CHST9: variants seen among roughly 807,000 people sequenced by gnomAD.
CHST9 encodes GalNAc-4-sulfotransferase 2.
Under a neutral mutation model 44.4 loss-of-function variants are expected in CHST9, and 41 were observed. The observed-to-expected ratio is 0.92, with a 90% CI of 0.72 to 1.20. The LOEUF is 1.20. Among genes scored for constraint, CHST9 ranks in the 50% most tolerant of loss-of-function variants. The probability of loss-of-function intolerance (pLI) is 0.00; values close to 1 mark genes in which losing one functional copy is unlikely to be tolerated. For missense variants in CHST9, 504 were observed against 516.5 expected (o/e 0.98, Z 0.23); for synonymous variants, 171 against 178.4 (o/e 0.96, Z 0.33).
intron 1 of CHST9, among the ~76,000 whole-genome samples, chr18:27,152,765 T>A (rs915517943): frequency 6.6e-6 from 1 of 152,080 alleles, no homozygotes; most frequent in Non-Finnish European, 1.5e-5. Context: ...GGGAGCCTTT[T>A]AAAAAATTTT....
chr18:26,911,865 GT>G lies in CHST9; in HGVS notation c.*4393del, dbSNP rs5823534. 0.84 allele frequency: 127,793 copies of G among 152,054 alleles called. 53,836 individuals are homozygous for G. The highest frequency in any genetic ancestry group is 0.89 in the African/African-American group (36,708 of 41,446). The allele number at this position is 152,054 out of a possible 1,614,324, so 9.4% of individuals were successfully genotyped here. ...ATTTATTTTCACCTGGTTTCATGGT[GT>G]TTTTTCAGTCGGTTTAAGTCAGCTT... On this transcript the variant is annotated 3_prime_UTR_variant, in exon 6 of 6. Coordinates refer to ENST00000618847, the MANE Select transcript of CHST9 (RefSeq NM_031422.6).
intron 4 of CHST9, among the ~76,000 whole-genome samples, chr18:26,991,752 A>C (rs1201124138): frequency 7.7e-6 from 1 of 129,468 alleles, no homozygotes; most frequent in Non-Finnish European, 1.8e-5. Context: ...CAACTGTGTC[A>C]AATGTTTCTG....
chr18:27,180,195 G>A (rs1024576747), intron 1 of CHST9, among the ~76,000 whole-genome samples: 2 of 152,106 alleles, frequency 1.3e-5, no homozygotes, highest in South Asian at 4.1e-4. Context: ...CTTCTTGCAC[G>A]GGATGTCTTC....
chr18:27,100,635 A>G (rs1247984441), intron 2 of CHST9, among the ~76,000 whole-genome samples: 2 of 152,204 alleles, frequency 1.3e-5, no homozygotes, highest in Non-Finnish European at 2.9e-5. Context: ...GCGGTAAAAT[A>G]TGATGCATGT....
intron 4 of CHST9, among the ~76,000 whole-genome samples, chr18:27,019,699 A>AAAAAAAAAAAAAAAAAG (rs1223380265): frequency 6.6e-6 from 1 of 151,510 alleles, no homozygotes. Context: ...CAAAAAAAAA[A>AAAAAAAAAAAAAAAAAG]AAAAAAAAAA....
At chr18:27,108,209 T>G (rs1308950817) in intron 2 of CHST9, among the ~76,000 whole-genome samples, 1 of 152,150 alleles carries the variant, frequency 6.6e-6, no homozygotes, top group Non-Finnish European at 1.5e-5. Flanking sequence ...TGTGTAGCTC[T>G]CCCCTCACAG....
In CHST9 at chr18:27,024,832, C is replaced by T. The variant is rs150586787; in HGVS notation, c.161-675G>A. On this transcript the variant is annotated intron_variant, in intron 3 of 5. Transcript: ENST00000618847. ...AAGAAATCTTAAGGTTTTCCTTGAA[C>T]GGGTGATTTTTCATGGTGATTACCA... Among the ~76,000 whole-genome samples the T allele has an allele frequency of 4.5e-3, 679 of 152,068 alleles. 6 individuals are homozygous for T. The highest frequency in any genetic ancestry group is 6.7e-3 in the Non-Finnish European group (455 of 67,954).
intron 4 of CHST9, among the ~76,000 whole-genome samples, chr18:26,984,379 T>C (rs2056728894): frequency 6.6e-6 from 1 of 152,196 alleles, no homozygotes; most frequent in African/African-American, 2.4e-5. Context: ...GGATAGATTG[T>C]AGAAGTACTG....
At chr18:27,108,467 AC>A (rs1299139170) in intron 2 of CHST9, among the ~76,000 whole-genome samples, 1 of 152,206 alleles carries the variant, frequency 6.6e-6, no homozygotes, top group Non-Finnish European at 1.5e-5. Context: ...ATAGAGCTTT[AC>A]CTGATAAAAA....
At chr18:27,161,904 T>C (rs2143931233) in intron 1 of CHST9, among the ~76,000 whole-genome samples, 1 of 152,138 alleles carries the variant, frequency 6.6e-6, no homozygotes. Context: ...GTTTAAAGTC[T>C]GTTTTATCAG....
chr18:27,083,264 A>G (rs997357832), intron 2 of CHST9, among the ~76,000 whole-genome samples: 2 of 152,120 alleles, frequency 1.3e-5, no homozygotes, highest in Non-Finnish European at 2.9e-5. Flanking sequence ...CATATGTACA[A>G]TTGTGAAGGG....
chr18:27,159,523 A>T (rs569333707), intron 1 of CHST9, among the ~76,000 whole-genome samples: 1 of 152,282 alleles, frequency 6.6e-6, no homozygotes, highest in African/African-American at 2.4e-5. Context: ...CTTGTAGTAT[A>T]GTTTGAAGTC....
chr18:26,956,311 C>CAAAA (rs10641983), intron 4 of CHST9, among the ~76,000 whole-genome samples: 5 of 112,376 alleles, frequency 4.4e-5, no homozygotes, highest in African/African-American at 1.7e-4. Context: ...GACTCTGTCT[C>CAAAA]AAAAAAAAAA....
At position 26,917,610 on chromosome 18, in the gene CHST9, A is replaced by G. The variant is rs1457491215; in HGVS notation, c.241-260T>C. On this transcript the variant is annotated intron_variant, in intron 5 of 5. Coordinates refer to ENST00000618847, the MANE Select transcript of CHST9 (RefSeq NM_031422.6). ...TTGTCCTGGCTTTGCCTGTAATGCA[A>G]TAGGATGTAACTCAACCATTCTGAG... is the stretch of plus-strand genomic sequence containing the variant. 3.3e-5 allele frequency among the ~76,000 whole-genome samples: 5 copies of G among 152,256 alleles called. No homozygotes were observed. In the South Asian group the frequency reaches 6.2e-4, roughly 19 times the overall value.
At chr18:27,155,439 T>C (rs566147273) in intron 1 of CHST9, among the ~76,000 whole-genome samples, 1 of 152,288 alleles carries the variant, frequency 6.6e-6, no homozygotes, top group East Asian at 1.9e-4. Context: ...CCAGATATGA[T>C]TAAGGCCCTG....
intron 1 of CHST9, among the ~76,000 whole-genome samples, chr18:27,145,384 A>T (rs530619463): frequency 6.6e-6 from 1 of 152,224 alleles, no homozygotes; most frequent in East Asian, 1.9e-4. Flanking sequence ...GAGTTTCACC[A>T]TGTTGGCCAG....
intron 4 of CHST9, among the ~76,000 whole-genome samples, chr18:26,967,250 G>T (rs2145161941): frequency 6.6e-6 from 1 of 152,258 alleles, no homozygotes; most frequent in East Asian, 1.9e-4. Flanking sequence ...AAAGCTTTCT[G>T]AATGCTATGT....
At chr18:27,075,179 G>GT (rs67114014) in intron 2 of CHST9, among the ~76,000 whole-genome samples, 16,404 of 141,592 alleles carry the variant, frequency 0.12, 1,178 homozygotes, top group Middle Eastern at 0.21. Flanking sequence ...TTTGTTTTTT[G>GT]TTTTTTTTTT....
chr18:27,045,331 T>C (rs2057487519), intron 3 of CHST9, among the ~76,000 whole-genome samples: 1 of 152,080 alleles, frequency 6.6e-6, no homozygotes, highest in Admixed American at 6.6e-5. Context: ...CAATAATTTA[T>C]AATCCACTTT....
Sources: allele counts gnomAD v4.1 joint callset (sites outside exome capture counted in the v4.1 genomes callset), GRCh38; gene constraint gnomAD v4.1.1; transcripts MANE v1.5; gene names NCBI Gene and HGNC (gene_info 2026-07-23, HGNC 2026-07-21).